Variants in SMOC1 observed in about 807,000 individuals in gnomAD.
The protein encoded by SMOC1 is SPARC-related modular calcium-binding protein 1.
A neutral mutation model predicts 56.3 loss-of-function variants in SMOC1; 22 were observed. That is an observed-to-expected ratio of 0.39 (90% CI 0.28 to 0.56). The LOEUF (loss-of-function observed/expected upper bound fraction) is 0.56, where lower values mean the gene tolerates loss of function less well. SMOC1 is among the 20% of genes least tolerant of loss of function. The probability of loss-of-function intolerance (pLI) is 0.61; values close to 1 mark genes in which losing one functional copy is unlikely to be tolerated. For synonymous variants in SMOC1, 193 were observed against 215.0 expected (o/e 0.90, Z 0.89); for missense variants, 509 against 565.4 (o/e 0.90, Z 1.01).
rs748878109 is a variant in SMOC1, at chr14:69,952,248, G to A, written c.210G>A (p.Gln70=). 7 of 1,614,164 alleles carry A rather than the reference G, an allele frequency of 4.3e-6. No individual in the cohort carries two copies. In the East Asian group the frequency reaches 6.7e-5, roughly 15 times the overall value. ...GRSYESMCEY[Q]RAKCRDPTLG... ...CCTACGAGTCCATGTGTGAGTACCAGCGAGCCAAGTGCCGAGACCCGACCC... is the reference window on the plus strand; with the variant it reads ...CCTACGAGTCCATGTGTGAGTACCAACGAGCCAAGTGCCGAGACCCGACCC... Residue 70 remains glutamine (Q), a synonymous_variant, in exon 2 of 12, where the codon CAG becomes CAA. Coordinates refer to ENST00000361956, the MANE Select transcript of SMOC1 (RefSeq NM_001034852.3).
chr14:70,015,338 C>A (rs1476601262), intron 10 of SMOC1, among the ~76,000 whole-genome samples: 1 of 151,776 alleles, frequency 6.6e-6, no homozygotes, highest in African/African-American at 2.4e-5. Flanking sequence ...TGAATGAGTC[C>A]CAGAGATCTG....
Position 70,011,467 on chromosome 14 carries a change from A to AAAAAAAAATT in SMOC1, c.858-18_858-17insAAAAAAAATT. 4 of 714,514 alleles carry AAAAAAAAATT rather than the reference A, an allele frequency of 5.6e-6. No homozygotes were observed. Among genetic ancestry groups the AAAAAAAAATT allele is most frequent in the Non-Finnish European group, 8.8e-6 (4 of 452,820 alleles). 44.3% of individuals were successfully genotyped at this position (714,514 alleles called of 1,614,324 possible). A position where few individuals can be genotyped will look rare whatever the true frequency, so the allele number is the denominator to read the frequency against. On this transcript the variant is annotated splice_polypyrimidine_tract_variant and intron_variant, in intron 8 of 11. Transcript: ENST00000361956. ...TTGCCAGCCCCTCCCAACCCCCCCC[A>AAAAAAAAATT]TATCTCTCTTTTCCCAGCTACGTGA... is the stretch of plus-strand genomic sequence containing the variant.
intron 1 of SMOC1, among the ~76,000 whole-genome samples, chr14:69,933,066 C>G (rs1471268060): frequency 2.6e-5 from 4 of 151,938 alleles, no homozygotes; most frequent in Non-Finnish European, 5.9e-5. Context: ...GGGTGCAGAG[C>G]AAAAGTTTAA....
chr14:69,938,125 AC>A (rs1882390994), intron 1 of SMOC1, among the ~76,000 whole-genome samples: 2 of 152,188 alleles, frequency 1.3e-5, no homozygotes, highest in Admixed American at 1.3e-4. Context: ...ATAGGATTTC[AC>A]CCAAATTAAA....
chr14:70,002,008 T>C (rs748743791), intron 7 of SMOC1, among the ~76,000 whole-genome samples: 1 of 152,158 alleles, frequency 6.6e-6, no homozygotes, highest in Non-Finnish European at 1.5e-5. Context: ...TTACTACTGC[T>C]TTTAGCCTTG....
chr14:69,920,570 A>G (rs185970895), intron 1 of SMOC1, among the ~76,000 whole-genome samples: 1 of 152,290 alleles, frequency 6.6e-6, no homozygotes, highest in East Asian at 1.9e-4. Flanking sequence ...CAGCACACTT[A>G]TTTTGAGCTT....
At chr14:70,022,234 T>C (rs751189804) in intron 10 of SMOC1, among the ~76,000 whole-genome samples, 2 of 152,236 alleles carry the variant, frequency 1.3e-5, no homozygotes, top group Non-Finnish European at 2.9e-5. Context: ...ATAGTAGTTA[T>C]CACCCTGACT....
intron 3 of SMOC1, among the ~76,000 whole-genome samples, chr14:69,963,623 G>A (rs541318894): frequency 6.7e-6 from 1 of 149,152 alleles, no homozygotes; most frequent in African/African-American, 2.4e-5. Flanking sequence ...AGCACATCAA[G>A]ATCTGGGAGA....
In SMOC1 at chr14:70,011,577, G is replaced by A. The variant is rs773004422; in HGVS notation, c.940+10G>A. 4.3e-6 allele frequency: 7 copies of A among 1,613,472 alleles called. No homozygotes were observed. The highest frequency in any genetic ancestry group is 2.2e-5 in the East Asian group (1 of 44,862). ...GACAGGGAGCTACCAGGTGGGAGAC[G>A]ATGCTGCCCTGCCGGCGCCATCACC... On this transcript the variant is annotated intron_variant, in intron 9 of 11. Coordinates refer to ENST00000361956, the MANE Select transcript of SMOC1 (RefSeq NM_001034852.3).
At chr14:69,994,315 T>C in intron 6 of SMOC1, 85 bp from the exon 7 acceptor site, 1 of 1,067,126 alleles carries the variant, frequency 9.4e-7, no homozygotes, top group Admixed American at 1.7e-5. Flanking sequence ...CTTTGAAAAA[T>C]GACTATTAAG....
At chr14:69,974,640 AG>A (rs1410486458) in intron 3 of SMOC1, among the ~76,000 whole-genome samples, 1 of 152,016 alleles carries the variant, frequency 6.6e-6, no homozygotes, top group Non-Finnish European at 1.5e-5. Flanking sequence ...ATGTGTGTTT[AG>A]GAACTCCAGA....
chr14:69,955,332 C>G (rs556404670), intron 3 of SMOC1, among the ~76,000 whole-genome samples: 2 of 152,064 alleles, frequency 1.3e-5, no homozygotes, highest in Non-Finnish European at 2.9e-5. Flanking sequence ...CACCTGGGCA[C>G]GAAGCTCAGC....
At chr14:70,028,352 C>T (rs1886007942) in intron 11 of SMOC1, among the ~76,000 whole-genome samples, 1 of 152,180 alleles carries the variant, frequency 6.6e-6, no homozygotes, top group Admixed American at 6.5e-5. Flanking sequence ...TCTCTTCCAT[C>T]CTCCCTGATG....
chr14:69,941,448 C>T (rs1882558338), intron 1 of SMOC1, among the ~76,000 whole-genome samples: 1 of 152,146 alleles, frequency 6.6e-6, no homozygotes, highest in African/African-American at 2.4e-5. Flanking sequence ...TACAGTGTGG[C>T]CACACTTATT....
chr14:69,907,050 G>C (rs573084349), intron 1 of SMOC1, among the ~76,000 whole-genome samples: 4 of 152,212 alleles, frequency 2.6e-5, no homozygotes, highest in Non-Finnish European at 5.9e-5. Context: ...GGTGGAAACA[G>C]TCATATTTCT....
At chr14:69,936,503 C>T (rs1885298837) in intron 1 of SMOC1, among the ~76,000 whole-genome samples, 3 of 152,356 alleles carry the variant, frequency 2.0e-5, no homozygotes, top group South Asian at 4.1e-4. Flanking sequence ...TAACCCCATC[C>T]GACTTCCAGA....
chr14:70,002,823 G>A lies in SMOC1; in HGVS notation c.665-7931G>A, dbSNP rs540629659. ...AAAACCCCCTGTGGCTAAATAAACA[G>A]CAAGGGCCTGCTCAGTGATGTCCCA... On this transcript the variant is annotated intron_variant, in intron 7 of 11. Transcript: ENST00000361956. Among the ~76,000 whole-genome samples, 19 of 152,344 alleles carry A rather than the reference G, an allele frequency of 1.2e-4. No individual in the cohort carries two copies. In the East Asian group the frequency reaches 2.7e-3, roughly 22 times the overall value.
chr14:70,030,324 C>A lies in SMOC1; in HGVS notation c.*66C>A. On this transcript the variant is annotated 3_prime_UTR_variant, in exon 12 of 12. Transcript: ENST00000361956. The stretch of plus-strand genomic sequence containing the variant: ...CAGGATGGATCACCAGACACCTAAC[C>A]TTCAGCGTTGCCCATGGCCCTGCCA... 1 of 1,599,574 alleles carries A rather than the reference C, an allele frequency of 6.3e-7. No individual in the cohort carries two copies. The highest frequency in any genetic ancestry group is 8.5e-7 in the Non-Finnish European group (1 of 1,171,168).
intron 10 of SMOC1, among the ~76,000 whole-genome samples, chr14:70,017,256 G>A (rs145506302): frequency 0.012 from 1,837 of 152,284 alleles, 37 homozygotes; most frequent in African/African-American, 0.04. Context: ...TTTGTAACCA[G>A]GGCCCGAGGG....
Sources: allele counts gnomAD v4.1 joint callset (sites outside exome capture counted in the v4.1 genomes callset), GRCh38; gene constraint gnomAD v4.1.1; transcripts MANE v1.5; gene names NCBI Gene and HGNC (gene_info 2026-07-23, HGNC 2026-07-21).